The following HEMK2 variants were observed in gnomAD, a reference collection of about 807,000 sequenced individuals.
HEMK2 encodes the protein HemK methyltransferase 2, ETF1 glutamine and histone H4 lysine.
At chr21:28,852,461 G>A in the HEMK2 span, among the ~76,000 whole-genome samples, 1 of 152,158 alleles carries the variant, frequency 6.6e-6, no homozygotes, top group Non-Finnish European at 1.5e-5. Context: ...GACATTTTGT[G>A]TCCCCTGGAG....
chr21:28,643,986 C>A, the HEMK2 span, among the ~76,000 whole-genome samples: 4 of 152,156 alleles, frequency 2.6e-5, no homozygotes, highest in Admixed American at 2.0e-4. Context: ...GTTCCATGGG[C>A]CAAGACTCGA....
At chr21:28,716,252 T>C in the HEMK2 span, among the ~76,000 whole-genome samples, 2 of 152,264 alleles carry the variant, frequency 1.3e-5, no homozygotes, top group South Asian at 2.1e-4. Context: ...AATAATCTTC[T>C]GATACATGTG....
chr21:28,578,250 C>T, the HEMK2 span, among the ~76,000 whole-genome samples: 2 of 152,192 alleles, frequency 1.3e-5, no homozygotes, highest in Non-Finnish European at 2.9e-5. Context: ...ATAAATCTCA[C>T]TACCCCTTTC....
At chr21:28,706,183 CT>C in the HEMK2 span, among the ~76,000 whole-genome samples, 1 of 152,148 alleles carries the variant, frequency 6.6e-6, no homozygotes, top group African/African-American at 2.4e-5. Flanking sequence ...ACTCTAAGTT[CT>C]CGTAAGAAAT....
At chr21:28,601,059 T>C in the HEMK2 span, among the ~76,000 whole-genome samples, 1,145 of 152,352 alleles carry the variant, frequency 7.5e-3, 24 homozygotes, top group African/African-American at 0.027. Context: ...TAACATATTA[T>C]GTCAACTCTG....
the HEMK2 span, among the ~76,000 whole-genome samples, chr21:28,831,462 CGAAAGAAAGAAAGAAAGAAAGAAAGAAA>C: frequency 4.2e-5 from 1 of 23,612 alleles, no homozygotes; most frequent in Non-Finnish European, 8.5e-5. Context: ...AAGAAAAGAA[CGAAAGAAAGAAAGAAAGAAAGAAAGAAA>C]GAAAGAAAGA....
the HEMK2 span, among the ~76,000 whole-genome samples, chr21:28,822,792 GC>G: frequency 6.6e-6 from 1 of 152,112 alleles, no homozygotes; most frequent in Non-Finnish European, 1.5e-5. Context: ...CTTTTGGGAA[GC>G]CCATTACAAT....
At chr21:28,784,962 G>A in the HEMK2 span, among the ~76,000 whole-genome samples, 1 of 152,154 alleles carries the variant, frequency 6.6e-6, no homozygotes, top group Non-Finnish European at 1.5e-5. Context: ...GCGAAGATCT[G>A]CGGCTTCACT....
the HEMK2 span, among the ~76,000 whole-genome samples, chr21:28,725,808 G>A: frequency 2.0e-5 from 3 of 152,136 alleles, no homozygotes; most frequent in African/African-American, 7.2e-5. Flanking sequence ...AAAAGACATT[G>A]TACCCCCTAG....
At chr21:28,708,035 T>C in the HEMK2 span, among the ~76,000 whole-genome samples, 2 of 152,188 alleles carry the variant, frequency 1.3e-5, no homozygotes, top group Admixed American at 6.5e-5. Context: ...CTGCTGCTAA[T>C]TGGGAAGCAT....
the HEMK2 span, among the ~76,000 whole-genome samples, chr21:28,794,930 G>T: frequency 2.0e-5 from 3 of 152,124 alleles, no homozygotes; most frequent in Non-Finnish European, 4.4e-5. Context: ...GTTGACGATG[G>T]GTGCCATTAA....
chr21:28,679,599 T>G, the HEMK2 span, among the ~76,000 whole-genome samples: 1 of 152,128 alleles, frequency 6.6e-6, no homozygotes, highest in Non-Finnish European at 1.5e-5. Context: ...GAATATACAT[T>G]CTTCTCAGCA....
chr21:28,838,073 C>G, the HEMK2 span, among the ~76,000 whole-genome samples: 10 of 152,066 alleles, frequency 6.6e-5, no homozygotes, highest in Non-Finnish European at 5.9e-5. Context: ...AAAAATAGCC[C>G]AGGACCTGAC....
the HEMK2 span, chr21:28,670,854 G>A: frequency 6.6e-6 from 1 of 152,132 alleles, no homozygotes. Flanking sequence ...AGATCTTGGT[G>A]TGAACTCTCT....
the HEMK2 span, among the ~76,000 whole-genome samples, chr21:28,879,564 T>C: frequency 6.6e-6 from 1 of 152,192 alleles, no homozygotes; most frequent in Admixed American, 6.5e-5. Flanking sequence ...GTTTTGCAAA[T>C]TTTTTATTCA....
chr21:28,667,273 T>C, the HEMK2 span, among the ~76,000 whole-genome samples: 4 of 152,314 alleles, frequency 2.6e-5, no homozygotes, highest in Middle Eastern at 0.01. Flanking sequence ...TTTATTCCAA[T>C]GATGTGCTTT....
the HEMK2 span, among the ~76,000 whole-genome samples, chr21:28,761,370 A>T: frequency 1.3e-5 from 2 of 152,138 alleles, no homozygotes; most frequent in Non-Finnish European, 2.9e-5. Flanking sequence ...AAGCCAAAAA[A>T]TTAATATTAA....
At chr21:28,680,999 G>T in the HEMK2 span, among the ~76,000 whole-genome samples, 2 of 152,146 alleles carry the variant, frequency 1.3e-5, no homozygotes, top group African/African-American at 4.8e-5. Flanking sequence ...CACAAGACAG[G>T]GATGCCCTCT....
chr21:28,791,522 T>C, the HEMK2 span, among the ~76,000 whole-genome samples: 1 of 152,224 alleles, frequency 6.6e-6, no homozygotes, highest in East Asian at 1.9e-4. Flanking sequence ...CAATATTTCC[T>C]CTTCCAACAA....
Sources: allele counts gnomAD v4.1 joint callset (sites outside exome capture counted in the v4.1 genomes callset), GRCh38; gene constraint gnomAD v4.1.1; transcripts MANE v1.5; gene names NCBI Gene and HGNC (gene_info 2026-07-23, HGNC 2026-07-21).